HSPA12B: variants seen among roughly 807,000 people sequenced by gnomAD.
HSPA12B encodes heat shock protein family A (Hsp70) member 12B.
In HSPA12B, 54 loss-of-function variants were observed where a neutral mutation model predicts 69.3. The ratio of observed to expected loss-of-function variants is 0.78; its 90% CI spans 0.63 to 0.98. The LOEUF (loss-of-function observed/expected upper bound fraction) is 0.98, where lower values mean the gene tolerates loss of function less well. HSPA12B is among the 50% of genes least tolerant of loss of function. The pLI is 0.00. For synonymous variants in HSPA12B, 441 were observed against 436.5 expected (o/e 1.01, Z -0.13); for missense variants, 929 against 999.8 (o/e 0.93, Z 0.96).
chr20:3,742,191 G>A, intron 3 of HSPA12B, 93 bp from the exon 4 acceptor site: 1 of 1,544,716 alleles, frequency 6.5e-7, no homozygotes, highest in Non-Finnish European at 8.8e-7. Flanking sequence ...CAGTGGAGGG[G>A]AGTGTCTTCC....
At chr20:3,751,033 A>C in intron 12 of HSPA12B, 126 bp downstream of exon 12, 1 of 928,616 alleles carries the variant, frequency 1.1e-6, no homozygotes, top group Non-Finnish European at 1.7e-6. Context: ...AGAATCATCT[A>C]GAACACCTGC....
chr20:3,748,005 C>T (rs931222003), intron 7 of HSPA12B, among the ~76,000 whole-genome samples: 2 of 152,256 alleles, frequency 1.3e-5, no homozygotes, highest in Non-Finnish European at 2.9e-5. Flanking sequence ...GCATATTTGG[C>T]CAGGGCCATT....
At chr20:3,743,018 C>T (rs2088231185) in intron 4 of HSPA12B, among the ~76,000 whole-genome samples, 1 of 149,948 alleles carries the variant, frequency 6.7e-6, no homozygotes, top group African/African-American at 2.5e-5. Context: ...GGACTACAGG[C>T]GACCGCCACC....
chr20:3,735,463 C>CT (rs34819658), intron 1 of HSPA12B, among the ~76,000 whole-genome samples: 399 of 138,936 alleles, frequency 2.9e-3, no homozygotes, highest in Non-Finnish European at 3.4e-3. Context: ...AGGACTCAGT[C>CT]TTTTTTTTTT....
chr20:3,751,691 A>G lies in HSPA12B; in HGVS notation c.1586A>G (p.Gln529Arg), dbSNP rs578203657. Residue 529 changes from glutamine to arginine, a missense_variant, in exon 13 of 13, where the codon CAG (glutamine) becomes CGG (arginine). Coordinates refer to ENST00000254963, the MANE Select transcript of HSPA12B (RefSeq NM_052970.5). ...TILKGAVLFGQAPGVVRVRRS... is the reference protein window; with the variant it reads ...TILKGAVLFGRAPGVVRVRRS... ...CTCAAAGGCGCGGTGCTGTTCGGCC[A>G]GGCGCCGGGCGTGGTGCGGGTCCGC... 1 of 1,487,256 alleles carries G rather than the reference A, an allele frequency of 6.7e-7. No individual in the cohort carries two copies. Among genetic ancestry groups the G allele is most frequent in the South Asian group, 1.3e-5 (1 of 78,458 alleles). 92.1% of individuals were successfully genotyped at this position (1,487,256 alleles called of 1,614,324 possible).
intron 4 of HSPA12B, among the ~76,000 whole-genome samples, chr20:3,742,934 C>T (rs6139190): frequency 0.24 from 36,810 of 151,404 alleles, 5,197 homozygotes; most frequent in African/African-American, 0.38. Flanking sequence ...AGTGCAGTGA[C>T]GCAATCTCAG....
At position 3,740,477 on chromosome 20, in the gene HSPA12B, C is replaced by T. The variant is rs768800448; in HGVS notation, c.44-338C>T. Among the ~76,000 whole-genome samples the T allele has an allele frequency of 3.3e-5, 5 of 152,200 alleles. No individual in the cohort carries two copies. The highest frequency in any genetic ancestry group is 7.4e-5 in the Non-Finnish European group (5 of 68,018). ...GCTCACCTGCCCTATCTCCCCTGCC[C>T]TTCCATCTCTGGACTGAGTCTCCCT... On this transcript the variant is annotated intron_variant, in intron 2 of 12. Coordinates refer to ENST00000254963, the MANE Select transcript of HSPA12B (RefSeq NM_052970.5). The surrounding 1 kb of genome is among the most constrained non-coding windows in gnomAD (Gnocchi z 4.9).
In HSPA12B at chr20:3,748,358, G is replaced by A; in HGVS notation, c.817G>A (p.Glu273Lys). ...GRAPGGGRLG[E>K]RRSIDSSFRQ... ...GGCCCCAGGTGGTGGGCGCCTGGGT[G>A]AGCGCCGCTCCATCGACTCCAGCTT... The change falls in exon 8 of 13, where the codon GAG (glutamate) becomes AAG (lysine). Residue 273 changes from glutamate to lysine, a missense_variant. Transcript: ENST00000254963. 3 of 1,608,004 alleles carry A rather than the reference G, an allele frequency of 1.9e-6. No homozygotes were observed. Among genetic ancestry groups the A allele is most frequent in the Non-Finnish European group, 2.5e-6 (3 of 1,177,548 alleles).
chr20:3,750,084 T>TCTGA lies in HSPA12B; in HGVS notation c.1160_1163dup (p.Ile389AspfsTer29). ...GGCAACGGCCGGCAGCCTGGGTAGA[T>TCTGA]CTGACCATCGCCTTCGAGGCTCGCA... On this transcript the variant is annotated frameshift_variant, in exon 11 of 13. Transcript: ENST00000254963. LOFTEE classifies it high-confidence loss of function. 6.2e-7 allele frequency: 1 copy of TCTGA among 1,612,324 alleles called. No homozygotes were observed. Among genetic ancestry groups the TCTGA allele is most frequent in the South Asian group, 1.1e-5 (1 of 90,970 alleles).
Position 3,745,209 on chromosome 20 carries a change from G to A in HSPA12B, c.453+121G>A. 1.1e-6 allele frequency: 1 copy of A among 945,752 alleles called. No homozygotes were observed. Among genetic ancestry groups the A allele is most frequent in the Non-Finnish European group, 1.6e-6 (1 of 627,722 alleles). 58.6% of individuals were successfully genotyped at this position (945,752 alleles called of 1,614,324 possible). On this transcript the variant is annotated intron_variant, in intron 5 of 12. Coordinates refer to ENST00000254963, the MANE Select transcript of HSPA12B (RefSeq NM_052970.5). This position sits in a 1 kb window ranked among gnomAD's most constrained non-coding sequence, Gnocchi z 5.6. ...CGGCCCGATGGAGTCGTGGCTGAGA[G>A]GGGGCGGGGCTAAAGGGAGACGTCG...
Position 3,740,898 on chromosome 20 carries a change from C to T in HSPA12B, c.127C>T (p.Pro43Ser), listed in dbSNP as rs375993303. The stretch of plus-strand genomic sequence containing the variant: ...AAGCTGCGGCATTGCCCCCCTCACA[C>T]CCTCGCAGTCTCCAGTAAGCCCAGA... ...QESCGIAPLT[P>S]SQSPKPEVRA... The change falls in exon 3 of 13, where the codon CCC becomes TCC. Residue 43 changes from proline (P) to serine (S), a missense_variant. This residue lies in a region of HSPA12B where 477 missense variants were observed against 535.2 expected (regional missense o/e 0.89). Coordinates refer to ENST00000254963, the MANE Select transcript of HSPA12B (RefSeq NM_052970.5). The surrounding 1 kb of genome is among the most constrained non-coding windows in gnomAD (Gnocchi z 4.9). The T allele has an allele frequency of 6.2e-7, 1 of 1,612,912 alleles. No individual in the cohort carries two copies. Among genetic ancestry groups the T allele is most frequent in the African/African-American group, 1.3e-5 (1 of 75,036 alleles).
In HSPA12B at chr20:3,745,212, G is replaced by A. The variant is rs1217228505; in HGVS notation, c.453+124G>A. ...CCCGATGGAGTCGTGGCTGAGAGGG[G>A]GCGGGGCTAAAGGGAGACGTCGGAC... is the stretch of plus-strand genomic sequence containing the variant. On this transcript the variant is annotated intron_variant, in intron 5 of 12. Transcript: ENST00000254963. The surrounding 1 kb of genome is among the most constrained non-coding windows in gnomAD (Gnocchi z 5.6). 1.1e-6 allele frequency: 1 copy of A among 926,558 alleles called. No homozygotes were observed. Among genetic ancestry groups the A allele is most frequent in the East Asian group, 2.5e-5 (1 of 40,030 alleles). 57.4% of individuals were successfully genotyped at this position (926,558 alleles called of 1,614,324 possible).
In HSPA12B at chr20:3,749,287, C is replaced by A. The variant is rs149068732; in HGVS notation, c.906C>A (p.Gly302=). 7 of 1,613,678 alleles carry A rather than the reference C, an allele frequency of 4.3e-6. No individual in the cohort carries two copies. The African/African-American group carries it at 5.3e-5, about 12-fold the overall frequency. The change falls in exon 9 of 13, where the codon GGC becomes GGA. Residue 302 remains glycine, a synonymous_variant. Coordinates refer to ENST00000254963, the MANE Select transcript of HSPA12B (RefSeq NM_052970.5). The surrounding 1 kb of genome is among the most constrained non-coding windows in gnomAD (Gnocchi z 5.5). ...GCCGCACGTTCCTGGTGGAGTCAGG[C>A]GTAGGAGAGCTGTGGGCAGAGATGC... The part of the protein sequence containing the change: ...RHSRTFLVES[G]VGELWAEMQA...
intron 7 of HSPA12B, among the ~76,000 whole-genome samples, chr20:3,746,428 G>A (rs1171930337): frequency 3.4e-5 from 5 of 145,730 alleles, no homozygotes; most frequent in East Asian, 2.1e-4. Context: ...TCAGCCTCCC[G>A]AGTAGCTGGG....
rs1859180335 is a variant in HSPA12B, at chr20:3,740,688, C to T, written c.44-127C>T. ...TTTCCTACACCCCGCAGTCCTCCTC[C>T]CCAGCAGAGAGCCCTTTGCCTTAGC... On this transcript the variant is annotated intron_variant, in intron 2 of 12. Transcript: ENST00000254963. This position sits in a 1 kb window ranked among gnomAD's most constrained non-coding sequence, Gnocchi z 4.9. The T allele has an allele frequency of 2.7e-6, 2 of 734,296 alleles. No homozygotes were observed. The highest frequency in any genetic ancestry group is 3.1e-5 in the South Asian group (2 of 63,500). The allele number at this position is 734,296 out of a possible 1,614,324, so 45.5% of individuals were successfully genotyped here.
Position 3,752,118 on chromosome 20 carries a change from C to T in HSPA12B, c.2013C>T (p.Val671=). The stretch of plus-strand genomic sequence containing the variant: ...AAATTAAGGTCACCGCCGTCGACGT[C>T]AGCACCAATCGCTCCGTGCGCGCGT... ...DTEIKVTAVD[V]STNRSVRASI... is the part of the protein sequence containing the mutation. The change falls in exon 13 of 13, where the codon GTC becomes GTT. Residue 671 remains valine, a synonymous_variant. Coordinates refer to ENST00000254963, the MANE Select transcript of HSPA12B (RefSeq NM_052970.5). 4 of 1,495,346 alleles carry T rather than the reference C, an allele frequency of 2.7e-6. No individual in the cohort carries two copies. The highest frequency in any genetic ancestry group is 3.5e-6 in the Non-Finnish European group (4 of 1,129,480). The allele number at this position is 1,495,346 out of a possible 1,614,324, so 92.6% of individuals were successfully genotyped here.
rs1223195829 is a variant in HSPA12B, at chr20:3,752,931, A to G, written c.*765A>G. 6.5e-6 allele frequency: 1 copy of G among 153,770 alleles called. No homozygotes were observed. Among genetic ancestry groups the G allele is most frequent in the Non-Finnish European group, 1.5e-5 (1 of 68,098 alleles). 9.5% of individuals were successfully genotyped at this position (153,770 alleles called of 1,614,324 possible). A position where few individuals can be genotyped will look rare whatever the true frequency, so the allele number is the denominator to read the frequency against. The stretch of plus-strand genomic sequence containing the variant: ...GGTGGATGGGGAGGCCAGAGGGAGC[A>G]ATGAGGGGTGGTCCCAGCTCTGCTA... On this transcript the variant is annotated 3_prime_UTR_variant, in exon 13 of 13. Transcript: ENST00000254963.
Position 3,751,623 on chromosome 20 carries a change from C to G in HSPA12B, c.1518C>G (p.Arg506=). 1 of 1,528,532 alleles carries G rather than the reference C, an allele frequency of 6.5e-7. No individual in the cohort carries two copies. Among genetic ancestry groups the G allele is most frequent in the South Asian group, 1.2e-5 (1 of 82,892 alleles). The allele number at this position is 1,528,532 out of a possible 1,614,324, so 94.7% of individuals were successfully genotyped here. A position where few individuals can be genotyped will look rare whatever the true frequency, so the allele number is the denominator to read the frequency against. Reference sequence around the variant, plus strand: ...CGGTGCAGGCGGCGCTGGGCGCCCGCGGTCTGCGTGTCGTGGTCCCGCACG... The same window carrying G: ...CGGTGCAGGCGGCGCTGGGCGCCCGGGGTCTGCGTGTCGTGGTCCCGCACG... The part of the protein sequence containing the change: ...QHAVQAALGA[R]GLRVVVPHDV... Residue 506 remains arginine, a synonymous_variant, in exon 13 of 13, where the codon CGC becomes CGG. Coordinates refer to ENST00000254963, the MANE Select transcript of HSPA12B (RefSeq NM_052970.5).
chr20:3,747,055 G>A (rs2146581014), intron 7 of HSPA12B, among the ~76,000 whole-genome samples: 1 of 152,312 alleles, frequency 6.6e-6, no homozygotes, highest in Middle Eastern at 3.4e-3. Flanking sequence ...AATAAAGGGA[G>A]GCGATTCTAG....
Sources: allele counts gnomAD v4.1 joint callset (sites outside exome capture counted in the v4.1 genomes callset), GRCh38; gene constraint gnomAD v4.1.1; regional missense constraint gnomAD v4.1.1; non-coding constraint Gnocchi (gnomAD v3.1); transcripts MANE v1.5; gene names NCBI Gene and HGNC (gene_info 2026-07-23, HGNC 2026-07-21).